Variants in FNDC3B observed in about 807,000 individuals in gnomAD.
FNDC3B encodes the protein fibronectin type III domain containing 3B, also known as fibronectin type III domain-containing protein 3B.
Under a neutral mutation model 151.5 loss-of-function variants are expected in FNDC3B, and 12 were observed. The observed-to-expected ratio is 0.08, with a 90% CI of 0.05 to 0.13. FNDC3B has a LOEUF of 0.13. FNDC3B is among the 10% of genes least tolerant of loss of function. The probability of loss-of-function intolerance (pLI) is 1.00; values close to 1 mark genes in which losing one functional copy is unlikely to be tolerated. For missense variants in FNDC3B, 1,214 were observed against 1,505.3 expected, an observed-to-expected ratio of 0.81 and a Z score of 3.20; for synonymous variants, 528 against 549.0, an observed-to-expected ratio of 0.96 and a Z score of 0.54.
chr3:172,069,855 A>G (rs1407735019), intron 1 of FNDC3B, among the ~76,000 whole-genome samples: 2 of 152,218 alleles, frequency 1.3e-5, no homozygotes, highest in Non-Finnish European at 2.9e-5. Flanking sequence ...ATATTTAAAT[A>G]CCACCGTATT....
At chr3:172,245,457 G>GC in intron 4 of FNDC3B, among the ~76,000 whole-genome samples, 1 of 152,014 alleles carries the variant, frequency 6.6e-6, no homozygotes, top group East Asian at 1.9e-4. Context: ...TCTGGAATAT[G>GC]CCTTTTTTTT....
chr3:172,055,368 CTTA>C (rs1198346384), intron 1 of FNDC3B, among the ~76,000 whole-genome samples: 1 of 152,100 alleles, frequency 6.6e-6, no homozygotes, highest in African/African-American at 2.4e-5. Context: ...TTAATTACAT[CTTA>C]TTGACACCCG....
At chr3:172,365,178 G>T (rs1029091492) in intron 23 of FNDC3B, among the ~76,000 whole-genome samples, 4 of 152,166 alleles carry the variant, frequency 2.6e-5, no homozygotes, top group African/African-American at 9.7e-5. Flanking sequence ...CATAGCCTTT[G>T]TCAATCTAGC....
At chr3:172,066,838 AC>A (rs1239987569) in intron 1 of FNDC3B, among the ~76,000 whole-genome samples, 1 of 152,214 alleles carries the variant, frequency 6.6e-6, no homozygotes, top group Non-Finnish European at 1.5e-5. Flanking sequence ...TGATTATTAT[AC>A]TTTTAATTGG....
chr3:172,245,288 C>G (rs1385710816), intron 4 of FNDC3B, among the ~76,000 whole-genome samples: 2 of 151,974 alleles, frequency 1.3e-5, no homozygotes, highest in Non-Finnish European at 2.9e-5. Context: ...TTAGTGAGAG[C>G]CCTGTTCTTG....
chr3:172,197,118 T>G (rs7640300), intron 3 of FNDC3B, among the ~76,000 whole-genome samples: 130,918 of 151,916 alleles, frequency 0.86, 56,696 homozygotes, highest in Non-Finnish European at 0.92. Flanking sequence ...GAGGTGGAGG[T>G]TGCAGTGAGC....
chr3:172,220,466 G>T (rs545797601), intron 3 of FNDC3B, among the ~76,000 whole-genome samples: 57 of 152,058 alleles, frequency 3.7e-4, no homozygotes, highest in Non-Finnish European at 6.5e-4. Flanking sequence ...CATTCTATAG[G>T]ATGTGTTTTC....
intron 6 of FNDC3B, among the ~76,000 whole-genome samples, chr3:172,264,527 C>G (rs1426474969): frequency 6.6e-6 from 1 of 152,130 alleles, no homozygotes; most frequent in African/African-American, 2.4e-5. Context: ...TTTTTAGATT[C>G]TATGAATTCT....
chr3:172,184,183 G>GATC (rs1443306743), intron 3 of FNDC3B: 1 of 152,180 alleles, frequency 6.6e-6, no homozygotes, highest in East Asian at 1.9e-4. Flanking sequence ...TCCCCTCAAA[G>GATC]CCCTTTTAAT....
chr3:172,355,438 C>T (rs1282009747), intron 22 of FNDC3B, among the ~76,000 whole-genome samples: 2 of 152,162 alleles, frequency 1.3e-5, no homozygotes, highest in Non-Finnish European at 2.9e-5. Context: ...CCTGGACCAA[C>T]AGCATTAGCA....
intron 3 of FNDC3B, among the ~76,000 whole-genome samples, chr3:172,173,631 CAA>C (rs58281455): frequency 1.0e-5 from 1 of 98,916 alleles, no homozygotes; most frequent in African/African-American, 3.4e-5. Context: ...TTTGTCTCTA[CAA>C]AAAAAAAAAA....
intron 3 of FNDC3B, among the ~76,000 whole-genome samples, chr3:172,201,911 A>G (rs947650140): frequency 9.9e-5 from 15 of 152,146 alleles, no homozygotes; most frequent in African/African-American, 2.2e-4. Flanking sequence ...TTGAAATTCA[A>G]CTTTATCTGG....
At chr3:172,228,571 G>A (rs868209695) in intron 4 of FNDC3B, among the ~76,000 whole-genome samples, 9 of 152,046 alleles carry the variant, frequency 5.9e-5, no homozygotes, top group Middle Eastern at 3.4e-3. Flanking sequence ...GATATAGTTC[G>A]GATTCTGGAA....
chr3:172,162,841 C>G (rs773040537), intron 3 of FNDC3B, among the ~76,000 whole-genome samples: 4 of 152,118 alleles, frequency 2.6e-5, no homozygotes, highest in Admixed American at 1.3e-4. Context: ...CTATTTGTCT[C>G]TTACCTTGAC....
At chr3:172,117,076 TGTATATATAACC>T (rs1301906942) in intron 2 of FNDC3B, among the ~76,000 whole-genome samples, 4 of 152,232 alleles carry the variant, frequency 2.6e-5, no homozygotes, top group Admixed American at 1.3e-4. Flanking sequence ...TTATTTCTCT[TGTATATATAACC>T]GTATATATAA....
At chr3:172,372,618 C>T (rs1199327975) in intron 23 of FNDC3B, among the ~76,000 whole-genome samples, 1 of 152,140 alleles carries the variant, frequency 6.6e-6, no homozygotes, top group African/African-American at 2.4e-5. Flanking sequence ...TGTAACAGAA[C>T]ATCACAGATT....
intron 3 of FNDC3B, among the ~76,000 whole-genome samples, chr3:172,141,152 C>G (rs933511769): frequency 7.3e-5 from 11 of 150,036 alleles, no homozygotes; most frequent in Non-Finnish European, 1.6e-4. Context: ...TTTTCCCCCC[C>G]CTAAATAGAT....
chr3:172,318,198 A>G (rs529765229), intron 11 of FNDC3B, among the ~76,000 whole-genome samples: 1 of 152,310 alleles, frequency 6.6e-6, no homozygotes, highest in Admixed American at 6.5e-5. Context: ...CACAGAAATC[A>G]GGGGAAGCAT....
At chr3:172,356,410 T>C (rs1734099750) in intron 22 of FNDC3B, among the ~76,000 whole-genome samples, 1 of 152,228 alleles carries the variant, frequency 6.6e-6, no homozygotes, top group African/African-American at 2.4e-5. Flanking sequence ...GCCTGACACA[T>C]AGTAAATAAA....
Sources: allele counts gnomAD v4.1 joint callset (sites outside exome capture counted in the v4.1 genomes callset), GRCh38; gene constraint gnomAD v4.1.1; transcripts MANE v1.5; gene names NCBI Gene and HGNC (gene_info 2026-07-23, HGNC 2026-07-21).